The following EFHD1 variants were observed in gnomAD, a reference collection of about 807,000 sequenced individuals.
The protein encoded by EFHD1 is EF-hand domain family member D1, also known as EF-hand domain-containing protein D1.
A neutral mutation model predicts 17.2 loss-of-function variants in EFHD1; 10 were observed. The observed-to-expected ratio is 0.58, with a 90% CI of 0.36 to 0.99. EFHD1 has a LOEUF of 0.99. Ranked by LOEUF, EFHD1 falls within the 50% of genes least tolerant of loss-of-function variation. The pLI, the probability that EFHD1 is intolerant of heterozygous loss-of-function variation, is 0.01. For missense variants in EFHD1, 310 were observed against 327.5 expected (o/e 0.95, Z 0.41); for synonymous variants, 153 against 142.0 (o/e 1.08, Z -0.55).
intron 1 of EFHD1, among the ~76,000 whole-genome samples, chr2:232,608,644 A>G (rs1693761037): frequency 6.6e-6 from 1 of 152,120 alleles, no homozygotes; most frequent in Non-Finnish European, 1.5e-5. Flanking sequence ...GAAAAACCAG[A>G]AAACAGCCGG....
intron 1 of EFHD1, among the ~76,000 whole-genome samples, chr2:232,635,469 G>A (rs1373262253): frequency 1.3e-5 from 2 of 152,216 alleles, no homozygotes; most frequent in African/African-American, 4.8e-5. Context: ...TGCTCAGAGG[G>A]TCTTGGGAGA....
intron 1 of EFHD1, among the ~76,000 whole-genome samples, chr2:232,652,273 G>T (rs563096402): frequency 6.6e-6 from 1 of 152,154 alleles, no homozygotes; most frequent in East Asian, 1.9e-4. Flanking sequence ...ATTCAGAAAC[G>T]TGACTCCTAT....
In EFHD1 at chr2:232,611,483, TGAA is replaced by T. The variant is rs149342381; in HGVS notation, c.14+5314_14+5316del. On this transcript the variant is annotated intron_variant, in intron 1 of 3. Transcript: ENST00000409613. ...TGGAGGACCCCAGTCACCTGAGAAA[TGAA>T]GAAACGGGTCAGAGGACTCGACAGG... The T allele has an allele frequency of 9.1e-3, 1,388 of 152,000 alleles. 19 individuals carry two copies. Among genetic ancestry groups the T allele is most frequent in the South Asian group, 0.046 (223 of 4,802 alleles). The allele number at this position is 152,000 out of a possible 1,614,324, so 9.4% of individuals were successfully genotyped here.
At chr2:232,680,085 CA>C (rs1277466874) in intron 3 of EFHD1, among the ~76,000 whole-genome samples, 1 of 152,030 alleles carries the variant, frequency 6.6e-6, no homozygotes, top group African/African-American at 2.4e-5. Flanking sequence ...CCAGCCCGGG[CA>C]ACGTGGTAAA....
At position 232,656,883 on chromosome 2, in the gene EFHD1, A is replaced by G. The variant is rs769743903; in HGVS notation, c.303-5919A>G. Among the ~76,000 whole-genome samples the G allele has an allele frequency of 9.9e-4, 150 of 152,088 alleles. 3 individuals carry two copies. The highest frequency in any genetic ancestry group is 6.3e-3 in the Middle Eastern group (2 of 316). On this transcript the variant is annotated intron_variant, in intron 1 of 3. Transcript: ENST00000264059. ...AGCCTCAAACTCTTGTGCTCAAGTGATCCTCCCCCTTCAGCCTCCCGAGTA... is the reference window on the plus strand; with the variant it reads ...AGCCTCAAACTCTTGTGCTCAAGTGGTCCTCCCCCTTCAGCCTCCCGAGTA...
At chr2:232,670,458 C>A (rs890430714) in intron 2 of EFHD1, among the ~76,000 whole-genome samples, 3 of 151,592 alleles carry the variant, frequency 2.0e-5, no homozygotes, top group Non-Finnish European at 2.9e-5. Context: ...AAAAGGTTGG[C>A]CAATTTATTT....
At chr2:232,654,994 T>A (rs927951396) in intron 1 of EFHD1, among the ~76,000 whole-genome samples, 2 of 152,210 alleles carry the variant, frequency 1.3e-5, no homozygotes, top group African/African-American at 4.8e-5. Flanking sequence ...AGTTCCTCCC[T>A]TACTCGCTTC....
upstream of EFHD1, among the ~76,000 whole-genome samples, chr2:232,632,357 T>C (rs927327187): frequency 1.3e-5 from 2 of 152,172 alleles, no homozygotes; most frequent in Non-Finnish European, 2.9e-5. Context: ...CAAAGGCTGG[T>C]CCCTGGGTCT....
chr2:232,651,517 C>T (rs1694653670), intron 1 of EFHD1, among the ~76,000 whole-genome samples: 1 of 152,238 alleles, frequency 6.6e-6, no homozygotes, highest in South Asian at 2.1e-4. Context: ...TTCCCCCTTC[C>T]CCCGGTGTGT....
At chr2:232,616,564 G>T (rs901847555) in intron 1 of EFHD1, among the ~76,000 whole-genome samples, 1 of 152,208 alleles carries the variant, frequency 6.6e-6, no homozygotes, top group Non-Finnish European at 1.5e-5. Flanking sequence ...CTCCCAAAGT[G>T]CTGGGATTAC....
chr2:232,670,203 A>T (rs986188871), intron 2 of EFHD1, among the ~76,000 whole-genome samples: 1 of 152,090 alleles, frequency 6.6e-6, no homozygotes, highest in African/African-American at 2.4e-5. Context: ...CATGCCTGCA[A>T]TCCCAGCACT....
rs1458634117 is a variant in EFHD1 at position 232,662,968 on chromosome 2, C to G, written c.450+19C>G. Reference sequence around the variant, plus strand: ...CCGGGAGGTACCTGCCTGCTGTGGCCCTGAGCCCCTGTGGGGTGCCCCTGA... The same window carrying G: ...CCGGGAGGTACCTGCCTGCTGTGGCGCTGAGCCCCTGTGGGGTGCCCCTGA... On this transcript the variant is annotated intron_variant, in intron 2 of 3. Coordinates refer to ENST00000264059, the MANE Select transcript of EFHD1 (RefSeq NM_025202.4). 2 of 1,558,310 alleles carry G rather than the reference C, an allele frequency of 1.3e-6. No individual in the cohort carries two copies. The highest frequency in any genetic ancestry group is 1.7e-6 in the Non-Finnish European group (2 of 1,158,254).
intron 1 of EFHD1, among the ~76,000 whole-genome samples, chr2:232,607,755 A>G (rs1693746644): frequency 6.7e-6 from 1 of 150,340 alleles, no homozygotes; most frequent in Non-Finnish European, 1.5e-5. Flanking sequence ...CCCTATCTCA[A>G]AAAAAAAGGA....
At chr2:232,607,314 G>A (rs1443609115) in intron 1 of EFHD1, among the ~76,000 whole-genome samples, 5 of 151,842 alleles carry the variant, frequency 3.3e-5, no homozygotes, top group African/African-American at 1.2e-4. Flanking sequence ...GGCTGGGCGC[G>A]GTGGCTCAGG....
intron 1 of EFHD1, among the ~76,000 whole-genome samples, chr2:232,606,401 T>C (rs1435513111): frequency 6.6e-6 from 1 of 152,142 alleles, no homozygotes; most frequent in Admixed American, 6.5e-5. Flanking sequence ...CTCGAAACTC[T>C]TGAGAGACAC....
Position 232,633,820 on chromosome 2 carries a change from A to G in EFHD1, c.116A>G (p.Glu39Gly). ...LGAPAPEPKPEPEPPARAPTA... is the reference protein window; with the variant it reads ...LGAPAPEPKPGPEPPARAPTA... ...GCCCCAGCCCCGGAGCCCAAGCCCG[A>G]GCCCGAGCCTCCCGCCCGTGCGCCC... The change falls in exon 1 of 4, where the codon GAG becomes GGG. Residue 39 changes from glutamate to glycine, a missense_variant. Physicochemically the swap from Glu to Gly is moderately conservative, Grantham distance 98. Transcript: ENST00000264059. 1.4e-6 allele frequency: 2 copies of G among 1,475,180 alleles called. No homozygotes were observed. The highest frequency in any genetic ancestry group is 1.3e-5 in the South Asian group (1 of 76,848). The allele number at this position is 1,475,180 out of a possible 1,614,324, so 91.4% of individuals were successfully genotyped here. A position where few individuals can be genotyped will look rare whatever the true frequency, so the allele number is the denominator to read the frequency against.
intron 1 of EFHD1, among the ~76,000 whole-genome samples, chr2:232,639,798 C>T (rs1271755184): frequency 3.9e-5 from 6 of 152,188 alleles, no homozygotes; most frequent in Non-Finnish European, 7.3e-5. Context: ...AGGGCACTGA[C>T]ATCTGGGGTT....
rs1007972579 is a variant in EFHD1 at position 232,672,307 on chromosome 2, A to G, written c.451-2A>G. On this transcript the variant is annotated splice_acceptor_variant, in intron 2 of 3. Coordinates refer to ENST00000264059, the MANE Select transcript of EFHD1 (RefSeq NM_025202.4). LOFTEE classifies it high-confidence loss of function. ...TGGTTCCCTACTTTCTTTCCCCTGT[A>G]GTTCCTGCTCATTTTCCACAAGGCC... The G allele has an allele frequency of 1.2e-6, 2 of 1,614,026 alleles. No homozygotes were observed. The highest frequency in any genetic ancestry group is 2.7e-5 in the African/African-American group (2 of 74,924).
chr2:232,619,363 T>C (rs1574701830), intron 1 of EFHD1, among the ~76,000 whole-genome samples: 3 of 146,696 alleles, frequency 2.0e-5, no homozygotes, highest in African/African-American at 5.1e-5. Flanking sequence ...TAGGCTGGAG[T>C]GTGATGGCGC....
Sources: gnomAD v4.1 joint callset for allele counts (sites outside exome capture counted in the v4.1 genomes callset) on GRCh38, gnomAD v4.1.1 for gene constraint, MANE v1.5 for transcripts, NCBI Gene and HGNC (gene_info 2026-07-23, HGNC 2026-07-21) for gene names.